PACRG: variants seen among roughly 807,000 people sequenced by gnomAD.
The protein encoded by PACRG is parkin coregulated gene protein.
A neutral mutation model predicts 29.7 loss-of-function variants in PACRG; 29 were observed. The ratio of observed to expected loss-of-function variants is 0.98; its 90% CI spans 0.73 to 1.33. The LOEUF (loss-of-function observed/expected upper bound fraction) is 1.33, where lower values mean the gene tolerates loss of function less well. Ranked by LOEUF, PACRG falls within the 40% of genes most tolerant of loss-of-function variation. PACRG has a pLI of 0.00. For synonymous variants in PACRG, 116 were observed against 118.7 expected, an observed-to-expected ratio of 0.98 and a Z score of 0.15; for missense variants, 279 against 316.2, an observed-to-expected ratio of 0.88 and a Z score of 0.89.
chr6:162,786,818 A>G (rs1784499278), intron 1 of PACRG, among the ~76,000 whole-genome samples: 1 of 152,160 alleles, frequency 6.6e-6, no homozygotes, highest in Non-Finnish European at 1.5e-5. Flanking sequence ...GAATTGTTCA[A>G]GAATCCAGGA....
At chr6:162,913,783 C>T (rs1014665609) in intron 2 of PACRG, among the ~76,000 whole-genome samples, 2 of 152,086 alleles carry the variant, frequency 1.3e-5, no homozygotes, top group African/African-American at 4.8e-5. Flanking sequence ...CTGAGCATGT[C>T]CTTGATGACT....
intron 2 of PACRG, among the ~76,000 whole-genome samples, chr6:162,994,990 A>G (rs985529511): frequency 1.3e-4 from 20 of 150,066 alleles, no homozygotes; most frequent in Admixed American, 2.6e-4. Flanking sequence ...GTCTGTTGGA[A>G]TACCCTGCCG....
At chr6:162,984,068 G>C (rs1404947629) in intron 2 of PACRG, among the ~76,000 whole-genome samples, 1 of 151,794 alleles carries the variant, frequency 6.6e-6, no homozygotes, top group African/African-American at 2.4e-5. Context: ...GGTGGTGTTT[G>C]GTTACATGAA....
chr6:162,730,769 C>G (rs1779705779), intron 1 of PACRG, among the ~76,000 whole-genome samples: 1 of 152,078 alleles, frequency 6.6e-6, no homozygotes, highest in Non-Finnish European at 1.5e-5. Context: ...TATAAGAAAA[C>G]AAGCATCACA....
intron 1 of PACRG, among the ~76,000 whole-genome samples, chr6:162,736,703 T>C (rs933153650): frequency 7.9e-5 from 12 of 151,912 alleles, no homozygotes; most frequent in African/African-American, 2.7e-4. Flanking sequence ...ATTATATACA[T>C]GTTAAAAATT....
intron 2 of PACRG, among the ~76,000 whole-genome samples, chr6:163,027,701 CAATACAG>C (rs1268788354): frequency 3.9e-5 from 6 of 152,150 alleles, no homozygotes; most frequent in Non-Finnish European, 8.8e-5. Context: ...CGGCAGAGAG[CAATACAG>C]AAGCACTTCT....
intron 4 of PACRG, among the ~76,000 whole-genome samples, chr6:163,312,581 G>A (rs914823990): frequency 2.0e-5 from 3 of 151,992 alleles, no homozygotes; most frequent in African/African-American, 4.8e-5. Flanking sequence ...TCACGCCTCC[G>A]AACACCATGT....
intron 2 of PACRG, among the ~76,000 whole-genome samples, chr6:162,833,977 C>A (rs796159666): frequency 2.0e-5 from 3 of 152,202 alleles, no homozygotes; most frequent in African/African-American, 7.2e-5. Context: ...TTTCATCTTG[C>A]AAGACTGAAA....
At chr6:162,738,585 A>G (rs762410867) in intron 1 of PACRG, among the ~76,000 whole-genome samples, 7 of 152,294 alleles carry the variant, frequency 4.6e-5, no homozygotes, top group African/African-American at 1.2e-4. Context: ...GGCAAGCCCA[A>G]TCTTTGTAGA....
At chr6:163,219,814 C>G (rs933939147) in intron 4 of PACRG, among the ~76,000 whole-genome samples, 2 of 152,130 alleles carry the variant, frequency 1.3e-5, no homozygotes, top group East Asian at 1.9e-4. Context: ...CTATTTGCAG[C>G]CTTTACAGTT....
chr6:163,071,283 A>G (rs1342523152), intron 3 of PACRG, among the ~76,000 whole-genome samples: 1 of 152,126 alleles, frequency 6.6e-6, no homozygotes, highest in African/African-American at 2.4e-5. Context: ...AGGATAGACC[A>G]TATGTTAGGT....
intron 4 of PACRG, among the ~76,000 whole-genome samples, chr6:163,229,410 T>G (rs2128162715): frequency 6.6e-6 from 1 of 152,318 alleles, no homozygotes; most frequent in South Asian, 2.1e-4. Context: ...GTATTTGTGA[T>G]CCCTTTCAAA....
chr6:163,277,700 T>G (rs573718636), intron 4 of PACRG, among the ~76,000 whole-genome samples: 5 of 150,596 alleles, frequency 3.3e-5, no homozygotes, highest in Non-Finnish European at 7.4e-5. Context: ...TCTATATATA[T>G]AGATATATAT....
chr6:163,128,401 G>A (rs1419117710), intron 4 of PACRG, among the ~76,000 whole-genome samples: 1 of 152,218 alleles, frequency 6.6e-6, no homozygotes, highest in African/African-American at 2.4e-5. Context: ...CAGTCTGGCT[G>A]TGTAAGGTCT....
chr6:162,952,532 T>G (rs557571150), intron 2 of PACRG, among the ~76,000 whole-genome samples: 4 of 152,346 alleles, frequency 2.6e-5, no homozygotes, highest in African/African-American at 7.2e-5. Flanking sequence ...TAAATGAGCT[T>G]GATCGTATCT....
intron 2 of PACRG, among the ~76,000 whole-genome samples, chr6:163,040,438 A>G (rs1808587694): frequency 6.6e-6 from 1 of 152,244 alleles, no homozygotes; most frequent in African/African-American, 2.4e-5. Flanking sequence ...GGCACTGCCT[A>G]GTGGAGTTGT....
chr6:163,028,244 A>G (rs982908982), intron 2 of PACRG, among the ~76,000 whole-genome samples: 38 of 152,222 alleles, frequency 2.5e-4, no homozygotes, highest in African/African-American at 8.7e-4. Flanking sequence ...AATGTATCCT[A>G]TAAGATCATC....
intron 2 of PACRG, among the ~76,000 whole-genome samples, chr6:162,826,612 C>A (rs887396759): frequency 6.6e-6 from 1 of 151,706 alleles, no homozygotes; most frequent in Non-Finnish European, 1.5e-5. Flanking sequence ...TACAGGCATG[C>A]GCCACCACAC....
chr6:163,010,127 AG>A (rs1380280175), intron 2 of PACRG, among the ~76,000 whole-genome samples: 20 of 150,146 alleles, frequency 1.3e-4, no homozygotes, highest in African/African-American at 4.4e-4. Flanking sequence ...GCTACAGTAC[AG>A]GGCCCATAAA....
Sources: gnomAD v4.1 joint callset for allele counts (sites outside exome capture counted in the v4.1 genomes callset) on GRCh38, gnomAD v4.1.1 for gene constraint, MANE v1.5 for transcripts, NCBI Gene and HGNC (gene_info 2026-07-23, HGNC 2026-07-21) for gene names.